The following ZYG11A variants were observed in gnomAD, a reference collection of about 807,000 sequenced individuals.
ZYG11A encodes protein zyg-11 homolog A.
In ZYG11A, 62 loss-of-function variants were observed where a neutral mutation model predicts 77.2. The ratio of observed to expected loss-of-function variants is 0.80; its 90% confidence interval spans 0.65 to 0.99. The LOEUF is 0.99. ZYG11A is among the 50% of genes least tolerant of loss of function. The pLI, the probability that ZYG11A is intolerant of heterozygous loss-of-function variation, is 0.00. For missense variants in ZYG11A, 828 were observed against 896.8 expected (o/e 0.92, Z 0.98); for synonymous variants, 315 against 324.6 (o/e 0.97, Z 0.32).
At chr1:52,877,354 T>C (rs555607059) in intron 8 of ZYG11A, among the ~76,000 whole-genome samples, 1 of 152,328 alleles carries the variant, frequency 6.6e-6, no homozygotes, top group South Asian at 2.1e-4. Context: ...CTACCCTTTT[T>C]TCTTTCTTTT....
In ZYG11A at chr1:52,860,818, A is replaced by G. The variant is rs1314437226; in HGVS notation, c.1096A>G (p.Arg366Gly). 4 of 1,551,718 alleles carry G rather than the reference A, an allele frequency of 2.6e-6. No homozygotes were observed. Among genetic ancestry groups the G allele is most frequent in the Non-Finnish European group, 2.6e-6 (3 of 1,146,980 alleles). Residue 366 changes from arginine (R) to glycine (G), a missense_variant, in exon 4 of 14, where the codon AGG becomes GGG. Coordinates refer to ENST00000371528, the MANE Select transcript of ZYG11A (RefSeq NM_001004339.3). ...ATGTTTTGTGAAGGAAGCCCTCCAC[A>G]GGCTGTTCACAGAGACATTTTCAAT... ...RSCFVKEALH[R>G]LFTETFSMEV... is the part of the protein sequence containing the mutation.
chr1:52,879,891 T>C (rs1256688901), intron 10 of ZYG11A, among the ~76,000 whole-genome samples: 3 of 151,648 alleles, frequency 2.0e-5, no homozygotes, highest in Non-Finnish European at 2.9e-5. Flanking sequence ...GTCTCCCGAG[T>C]AGCTGGGATT....
At chr1:52,875,410 C>T (rs542120954) in intron 8 of ZYG11A, among the ~76,000 whole-genome samples, 2 of 152,076 alleles carry the variant, frequency 1.3e-5, no homozygotes, top group East Asian at 1.9e-4. Context: ...TTTGTGCCCA[C>T]GAGAAGAGTT....
At chr1:52,873,406 TA>T (rs377592691) in intron 8 of ZYG11A, among the ~76,000 whole-genome samples, 8 of 152,196 alleles carry the variant, frequency 5.3e-5, no homozygotes, top group African/African-American at 1.9e-4. Context: ...CCCTTGTGGA[TA>T]ACTTCGAGGG....
At chr1:52,859,259 C>T (rs1005937924) in intron 3 of ZYG11A, among the ~76,000 whole-genome samples, 2 of 152,070 alleles carry the variant, frequency 1.3e-5, no homozygotes, top group African/African-American at 4.8e-5. Context: ...AGGATTATCT[C>T]TTCCCCCCTT....
At chr1:52,858,157 G>A (rs1645853749) in intron 3 of ZYG11A, among the ~76,000 whole-genome samples, 1 of 150,286 alleles carries the variant, frequency 6.7e-6, no homozygotes, top group South Asian at 2.1e-4. Context: ...AGCACTTTGG[G>A]AGGCCAAGGC....
At chr1:52,867,962 T>TTTC (rs1646058601) in intron 8 of ZYG11A, among the ~76,000 whole-genome samples, 185 bp downstream of exon 8, 2 of 128,196 alleles carry the variant, frequency 1.6e-5, no homozygotes, top group Admixed American at 7.7e-5. Context: ...ACATTTCTTT[T>TTTC]TTTTTTTTTT....
chr1:52,862,351 G>T (rs1402972811), intron 4 of ZYG11A, among the ~76,000 whole-genome samples: 1 of 143,690 alleles, frequency 7.0e-6, no homozygotes, highest in Non-Finnish European at 1.5e-5. Flanking sequence ...TCGCTCTGTC[G>T]CCTAGGCTGG....
chr1:52,847,169 C>T (rs899209882), intron 1 of ZYG11A, among the ~76,000 whole-genome samples: 3 of 152,062 alleles, frequency 2.0e-5, no homozygotes, highest in African/African-American at 7.2e-5. Flanking sequence ...CAGGTTGAAG[C>T]GATTCTCCTG....
In ZYG11A at chr1:52,894,566, T is replaced by C; in HGVS notation, c.*1609T>C. 6.6e-6 allele frequency: 1 copy of C among 152,230 alleles called. No individual in the cohort carries two copies. The highest frequency in any genetic ancestry group is 1.9e-4 in the East Asian group (1 of 5,204). The allele number at this position is 152,230 out of a possible 1,614,324, so 9.4% of individuals were successfully genotyped here. A position where few individuals can be genotyped will look rare whatever the true frequency, so the allele number is the denominator to read the frequency against. ...TCAGAAAATAAAAGTAAATTTCTGTTAGCACATTTTAGGATTAGATTTTTG... is the reference window on the plus strand; with the variant it reads ...TCAGAAAATAAAAGTAAATTTCTGTCAGCACATTTTAGGATTAGATTTTTG... On this transcript the variant is annotated 3_prime_UTR_variant, in exon 14 of 14. Coordinates refer to ENST00000371528, the MANE Select transcript of ZYG11A (RefSeq NM_001004339.3).
intron 8 of ZYG11A, among the ~76,000 whole-genome samples, chr1:52,875,016 G>A (rs1646237043): frequency 1.3e-5 from 2 of 152,234 alleles, no homozygotes; most frequent in African/African-American, 4.8e-5. Flanking sequence ...GTCTCTCCTA[G>A]ATGTGCCTGT....
intron 6 of ZYG11A, 66 bp from the exon 7 acceptor site, chr1:52,867,473 G>T: frequency 9.4e-7 from 1 of 1,065,442 alleles, no homozygotes; most frequent in South Asian, 1.4e-5. Flanking sequence ...AATGCCAAAT[G>T]ATTTCTTCTG....
intron 8 of ZYG11A, among the ~76,000 whole-genome samples, chr1:52,874,978 C>T (rs552263723): frequency 2.5e-4 from 38 of 152,234 alleles, no homozygotes; most frequent in Admixed American, 2.2e-3. Flanking sequence ...ATTTGTGTTA[C>T]TTGTTTTATT....
At position 52,867,710 on chromosome 1, in the gene ZYG11A, T is replaced by C; in HGVS notation, c.1492-17T>C. ...ACAGGTTCCATAGTTCACTTGAGCC[T>C]TTCTGTTTGCTTATAGCTCTCACCT... On this transcript the variant is annotated splice_polypyrimidine_tract_variant and intron_variant, in intron 7 of 13. Coordinates refer to ENST00000371528, the MANE Select transcript of ZYG11A (RefSeq NM_001004339.3). 1.9e-6 allele frequency: 3 copies of C among 1,551,532 alleles called. No individual in the cohort carries two copies. The highest frequency in any genetic ancestry group is 2.6e-6 in the Non-Finnish European group (3 of 1,146,894).
chr1:52,849,987 A>C (rs1485034879), intron 1 of ZYG11A, among the ~76,000 whole-genome samples: 2 of 152,120 alleles, frequency 1.3e-5, no homozygotes, highest in Admixed American at 1.3e-4. Context: ...CCTGGCCTCA[A>C]TTATACATTT....
At chr1:52,848,112 G>A (rs544699795) in intron 1 of ZYG11A, among the ~76,000 whole-genome samples, 88 of 152,052 alleles carry the variant, frequency 5.8e-4, no homozygotes, top group African/African-American at 2.0e-3. Context: ...CTCGTGATCC[G>A]CCTGCCTCAG....
chr1:52,868,350 G>T (rs539514910), intron 8 of ZYG11A, among the ~76,000 whole-genome samples: 3 of 152,266 alleles, frequency 2.0e-5, no homozygotes, highest in Admixed American at 6.5e-5. Context: ...TGCTACAGTA[G>T]ATAAGAACTT....
At chr1:52,853,461 T>C (rs1645751289) in intron 1 of ZYG11A, among the ~76,000 whole-genome samples, 1 of 152,188 alleles carries the variant, frequency 6.6e-6, no homozygotes, top group African/African-American at 2.4e-5. Flanking sequence ...ATGTAATCTC[T>C]GCTTGGAGTG....
intron 8 of ZYG11A, among the ~76,000 whole-genome samples, chr1:52,873,294 CAG>C (rs1646202942): frequency 6.6e-6 from 1 of 152,162 alleles, no homozygotes; most frequent in African/African-American, 2.4e-5. Context: ...GTCTGGGTGA[CAG>C]AGAAATACCC....
Sources: allele counts gnomAD v4.1 joint callset (sites outside exome capture counted in the v4.1 genomes callset), GRCh38; gene constraint gnomAD v4.1.1; transcripts MANE v1.5; gene names NCBI Gene and HGNC (gene_info 2026-07-23, HGNC 2026-07-21).